Variants in C12orf42 observed in about 807,000 individuals in gnomAD.
The protein encoded by C12orf42 is chromosome 12 open reading frame 42.
In C12orf42, 25 loss-of-function variants were observed where a neutral mutation model predicts 21.6. The observed-to-expected ratio is 1.16, with a 90% CI of 0.84 to 1.62. The LOEUF is 1.62. Among genes scored for constraint, C12orf42 ranks in the 40% most tolerant of loss-of-function variants. C12orf42 has a pLI of 0.00. For missense variants in C12orf42, 483 were observed against 459.3 expected (o/e 1.05, Z -0.47); for synonymous variants, 174 against 175.0 (o/e 0.99, Z 0.05).
chr12:103,096,424 GA>G, the C12orf42 span, among the ~76,000 whole-genome samples: 1 of 152,102 alleles, frequency 6.6e-6, no homozygotes, highest in Non-Finnish European at 1.5e-5. Flanking sequence ...AGAACTTTTA[GA>G]TATTTATTTT....
the C12orf42 span, among the ~76,000 whole-genome samples, chr12:103,507,145 AATATAAATATAT>A: frequency 4.0e-3 from 84 of 20,954 alleles, 14 homozygotes; most frequent in African/African-American, 0.036. Context: ...TTATATATAT[AATATAAATATAT>A]ATATATAATA....
chr12:103,376,844 TTC>T (rs1398649754), intron 3 of C12orf42, among the ~76,000 whole-genome samples: 1 of 152,134 alleles, frequency 6.6e-6, no homozygotes, highest in Non-Finnish European at 1.5e-5. Flanking sequence ...TAAATATTTT[TTC>T]TTTTTTAGGA....
chr12:103,216,416 G>A, the C12orf42 span, among the ~76,000 whole-genome samples: 13 of 151,244 alleles, frequency 8.6e-5, no homozygotes, highest in African/African-American at 3.2e-4. Context: ...TGTCACCCAG[G>A]CTGGAGTGCA....
intron 2 of C12orf42, among the ~76,000 whole-genome samples, chr12:103,453,796 T>C (rs1952108662): frequency 6.6e-6 from 1 of 152,120 alleles, no homozygotes; most frequent in Non-Finnish European, 1.5e-5. Context: ...TCAGATTTCC[T>C]GTTAAATTAC....
At chr12:103,401,562 A>G (rs753355963) in intron 3 of C12orf42, 45 bp downstream of exon 3, 2 of 1,543,116 alleles carry the variant, frequency 1.3e-6, no homozygotes, top group Admixed American at 3.4e-5. Context: ...ACCCTAAAGG[A>G]CGGCACTATG....
the C12orf42 span, among the ~76,000 whole-genome samples, chr12:103,164,158 TA>T: frequency 6.6e-6 from 1 of 152,198 alleles, no homozygotes; most frequent in African/African-American, 2.4e-5. Context: ...CAATGAACAC[TA>T]ATGTATGGTA....
At chr12:103,277,038 C>A (rs150951604) in intron 5 of C12orf42, 464 of 422,608 alleles carry the variant, frequency 1.1e-3, no homozygotes, top group African/African-American at 9.0e-3. Flanking sequence ...AATAAAAACA[C>A]AGGAAATTTT....
chr12:103,421,146 C>G (rs1390687047), intron 2 of C12orf42, among the ~76,000 whole-genome samples: 2 of 152,034 alleles, frequency 1.3e-5, no homozygotes, highest in Non-Finnish European at 2.9e-5. Context: ...CTCACAGTGC[C>G]TAGCCTGCTA....
chr12:103,420,416 C>T (rs2049783710), intron 2 of C12orf42, among the ~76,000 whole-genome samples: 1 of 152,142 alleles, frequency 6.6e-6, no homozygotes, highest in South Asian at 2.1e-4. Flanking sequence ...GGTACACTCA[C>T]GATGAGCTTC....
intron 4 of C12orf42, among the ~76,000 whole-genome samples, chr12:103,294,338 G>A (rs1254022533): frequency 6.8e-6 from 1 of 147,442 alleles, no homozygotes; most frequent in African/African-American, 2.5e-5. Context: ...AGCAGTAGTG[G>A]GAAGCCTAAA....
At chr12:103,348,691 T>C (rs559076974) in intron 4 of C12orf42, among the ~76,000 whole-genome samples, 1 of 152,150 alleles carries the variant, frequency 6.6e-6, no homozygotes, top group Non-Finnish European at 1.5e-5. Context: ...CTTAATGGTA[T>C]ACAGAAGACA....
chr12:103,319,536 C>T (rs566152849), intron 4 of C12orf42, among the ~76,000 whole-genome samples: 11 of 152,322 alleles, frequency 7.2e-5, no homozygotes, highest in East Asian at 5.8e-4. Flanking sequence ...CAAAAGAACT[C>T]GACAGACCCT....
the C12orf42 span, among the ~76,000 whole-genome samples, chr12:103,175,115 T>C: frequency 6.6e-6 from 1 of 152,214 alleles, no homozygotes; most frequent in Non-Finnish European, 1.5e-5. Context: ...TGTCTCCTAA[T>C]AGGTAATTAC....
At chr12:103,536,110 T>C in the C12orf42 span, among the ~76,000 whole-genome samples, 1 of 152,160 alleles carries the variant, frequency 6.6e-6, no homozygotes, top group African/African-American at 2.4e-5. Context: ...AATGAATTGA[T>C]TGATAGTTGG....
rs188731296 is a variant in C12orf42, at chr12:103,399,890, G to T, written c.147+1717C>A. On this transcript the variant is annotated intron_variant, in intron 3 of 5. Coordinates refer to ENST00000548883, the MANE Select transcript of C12orf42 (RefSeq NM_198521.5). ...TACAGGTTATCTGACATATATGATA[G>T]TATGTTATATATGATATATGTTTCA... Among the ~76,000 whole-genome samples, 443 of 152,052 alleles carry T rather than the reference G, an allele frequency of 2.9e-3. 5 individuals carry two copies. Among genetic ancestry groups the T allele is most frequent in the African/African-American group, 9.8e-3 (406 of 41,462 alleles).
the C12orf42 span, among the ~76,000 whole-genome samples, chr12:103,062,308 G>T: frequency 4.0e-5 from 6 of 151,284 alleles, no homozygotes; most frequent in African/African-American, 1.5e-4. Flanking sequence ...GACTTGATTA[G>T]CATTTTTAAA....
chr12:103,434,709 G>C (rs368053554), intron 2 of C12orf42, among the ~76,000 whole-genome samples: 62 of 152,262 alleles, frequency 4.1e-4, no homozygotes, highest in African/African-American at 1.3e-3. Context: ...AAAAAACACC[G>C]CACCACGAGA....
chr12:103,080,674 A>C, the C12orf42 span, among the ~76,000 whole-genome samples: 5 of 152,216 alleles, frequency 3.3e-5, no homozygotes, highest in African/African-American at 1.2e-4. Context: ...TTCCCAGTGC[A>C]TCATTCTCCT....
the C12orf42 span, among the ~76,000 whole-genome samples, chr12:103,048,744 G>A: frequency 1.3e-5 from 2 of 152,090 alleles, no homozygotes; most frequent in African/African-American, 4.8e-5. Context: ...GATTCCACAT[G>A]CTTCTGGATT....
Sources: gnomAD v4.1 joint callset for allele counts (sites outside exome capture counted in the v4.1 genomes callset) on GRCh38, gnomAD v4.1.1 for gene constraint, MANE v1.5 for transcripts, NCBI Gene and HGNC (gene_info 2026-07-23, HGNC 2026-07-21) for gene names.